The following PIBF1 variants were observed in gnomAD, a reference collection of about 807,000 sequenced individuals.
PIBF1 encodes the protein progesterone-induced-blocking factor 1.
In PIBF1, 90 loss-of-function variants were observed where a neutral mutation model predicts 112.5. That is an observed-to-expected ratio of 0.80 (90% CI 0.67 to 0.95). The LOEUF is 0.95. Ranked by LOEUF, PIBF1 falls within the 40% of genes least tolerant of loss-of-function variation. The probability of loss-of-function intolerance (pLI) is 0.00; values close to 1 mark genes in which losing one functional copy is unlikely to be tolerated. For missense variants in PIBF1, 915 were observed against 852.3 expected, an observed-to-expected ratio of 1.07 and a Z score of -0.92; for synonymous variants, 301 against 288.6, an observed-to-expected ratio of 1.04 and a Z score of -0.44.
At chr13:72,972,030 T>A (rs1251321890) in intron 15 of PIBF1, among the ~76,000 whole-genome samples, 1 of 150,548 alleles carries the variant, frequency 6.6e-6, no homozygotes, top group East Asian at 1.9e-4. Flanking sequence ...ATTTATTTAT[T>A]TATTTATTTA....
intron 16 of PIBF1, among the ~76,000 whole-genome samples, chr13:72,975,759 C>T (rs1199870519): frequency 6.6e-6 from 1 of 152,176 alleles, no homozygotes; most frequent in East Asian, 1.9e-4. Flanking sequence ...TCCATCACCG[C>T]TGCTGTCACT....
At chr13:72,836,970 G>A (rs962052462) in intron 9 of PIBF1, among the ~76,000 whole-genome samples, 17 of 151,866 alleles carry the variant, frequency 1.1e-4, no homozygotes, top group African/African-American at 3.9e-4. Flanking sequence ...GATACTTTGT[G>A]ATTATACTCT....
At chr13:72,866,864 G>A (rs2038951189) in intron 10 of PIBF1, among the ~76,000 whole-genome samples, 1 of 151,946 alleles carries the variant, frequency 6.6e-6, no homozygotes, top group African/African-American at 2.4e-5. Context: ...TATGCATAAT[G>A]TGTATCTTTG....
intron 14 of PIBF1, among the ~76,000 whole-genome samples, chr13:72,937,326 G>A (rs1341937954): frequency 6.6e-6 from 1 of 151,830 alleles, no homozygotes; most frequent in African/African-American, 2.4e-5. Flanking sequence ...TTATTTCAGT[G>A]GTTGATTTAG....
At chr13:72,939,904 T>A (rs1270319165) in intron 14 of PIBF1, among the ~76,000 whole-genome samples, 1 of 152,140 alleles carries the variant, frequency 6.6e-6, no homozygotes, top group African/African-American at 2.4e-5. Flanking sequence ...GCCAAGATAT[T>A]GCCGTCATCC....
chr13:72,956,680 T>G (rs2042454161), intron 14 of PIBF1, among the ~76,000 whole-genome samples: 1 of 152,234 alleles, frequency 6.6e-6, no homozygotes, highest in Admixed American at 6.5e-5. Context: ...GCTGATGTCT[T>G]CATCTTCTAG....
chr13:72,803,236 TTTTTGTTTTTTTG>T (rs1314680711), intron 5 of PIBF1, among the ~76,000 whole-genome samples: 1 of 148,846 alleles, frequency 6.7e-6, no homozygotes, highest in Non-Finnish European at 1.5e-5. Flanking sequence ...GCTTGTTTTT[TTTTTGTTTTTTTG>T]TTTTGTTTTT....
intron 16 of PIBF1, among the ~76,000 whole-genome samples, chr13:72,998,062 GA>G (rs1312289891): frequency 6.6e-6 from 1 of 152,186 alleles, no homozygotes; most frequent in Non-Finnish European, 1.5e-5. Context: ...TACAGCTAAA[GA>G]AATCCTGAAT....
chr13:72,816,062 A>T (rs1180806854), intron 5 of PIBF1, among the ~76,000 whole-genome samples: 1 of 152,200 alleles, frequency 6.6e-6, no homozygotes, highest in Non-Finnish European at 1.5e-5. Flanking sequence ...TGGGTATAAA[A>T]ATTGCCTCCT....
chr13:72,897,726 T>C (rs967326397), intron 11 of PIBF1, among the ~76,000 whole-genome samples: 1 of 152,132 alleles, frequency 6.6e-6, no homozygotes, highest in African/African-American at 2.4e-5. Flanking sequence ...AGAGGGACAT[T>C]ATATAATGGT....
rs2044381982 is a variant in PIBF1, at chr13:73,016,385, T to C, written c.*466T>C. ...AGATTGTTGACTCTTTTGAAGTTGT[T>C]TTTTTCTTATATTTTATATTACCAT... On this transcript the variant is annotated 3_prime_UTR_variant, in exon 18 of 18. Coordinates refer to ENST00000326291, the MANE Select transcript of PIBF1 (RefSeq NM_006346.4). The C allele has an allele frequency of 6.6e-6, 1 of 152,186 alleles. No individual in the cohort carries two copies. Among genetic ancestry groups the C allele is most frequent in the African/African-American group, 2.4e-5 (1 of 41,438 alleles). The allele number at this position is 152,186 out of a possible 1,614,324, so 9.4% of individuals were successfully genotyped here.
At chr13:72,920,590 C>T (rs1055242877) in intron 13 of PIBF1, among the ~76,000 whole-genome samples, 1 of 152,138 alleles carries the variant, frequency 6.6e-6, no homozygotes, top group Admixed American at 6.6e-5. Flanking sequence ...AGCAGTATAA[C>T]CTTTGAGAGA....
chr13:72,835,896 G>A (rs192044453), intron 9 of PIBF1, among the ~76,000 whole-genome samples: 4 of 152,028 alleles, frequency 2.6e-5, no homozygotes, highest in African/African-American at 4.8e-5. Flanking sequence ...TCAGGAGATC[G>A]AGACTATCCT....
intron 11 of PIBF1, among the ~76,000 whole-genome samples, chr13:72,895,869 C>T (rs995445775): frequency 1.7e-4 from 26 of 152,088 alleles, no homozygotes; most frequent in Admixed American, 7.2e-4. Context: ...TGGAAAGCCT[C>T]GGGCAAGTTT....
chr13:72,959,021 CAG>C (rs1448975482), intron 14 of PIBF1, among the ~76,000 whole-genome samples: 4 of 152,094 alleles, frequency 2.6e-5, no homozygotes, highest in African/African-American at 9.7e-5. Flanking sequence ...TTTTTTGAGA[CAG>C]AGTCTTCCTC....
chr13:72,998,508 A>G (rs1052076642), intron 16 of PIBF1, among the ~76,000 whole-genome samples: 1 of 151,946 alleles, frequency 6.6e-6, no homozygotes, highest in Non-Finnish European at 1.5e-5. Flanking sequence ...AGGCCACACC[A>G]CATCAATTAT....
chr13:72,973,614 C>T lies in PIBF1; in HGVS notation c.1988C>T (p.Ala663Val). 1 of 1,567,828 alleles carries T rather than the reference C, an allele frequency of 6.4e-7. No homozygotes were observed. Among genetic ancestry groups the T allele is most frequent in the Admixed American group, 1.9e-5 (1 of 51,760 alleles). The change falls in exon 16 of 18, where the codon GCT becomes GTT. Residue 663 changes from alanine (A) to valine (V), a missense_variant. Transcript: ENST00000326291. ...AGCAACTTAAATAAAGAAAAGTCAG[C>T]TTTACTACAGACGAAGAATCAAATG... is the stretch of plus-strand genomic sequence containing the variant. The part of the protein sequence containing the change: ...DVSNLNKEKS[A>V]LLQTKNQMAL...
Position 72,807,902 on chromosome 13 carries a change from A to AT in PIBF1, c.672+9881dup, listed in dbSNP as rs2035817522. On this transcript the variant is annotated intron_variant, in intron 5 of 17. Transcript: ENST00000326291. ...TTATCAGTAAATTTCTGCCATTAAC[A>AT]TTTTTATTGTATTTGTCTTATCAAA... 5.3e-5 allele frequency among the ~76,000 whole-genome samples: 8 copies of AT among 152,122 alleles called. 1 individual carries two copies. Among genetic ancestry groups the AT allele is most frequent in the Admixed American group, 5.2e-4 (8 of 15,274 alleles).
chr13:72,881,403 A>AAAATT (rs1448593452), intron 10 of PIBF1, among the ~76,000 whole-genome samples: 11 of 152,202 alleles, frequency 7.2e-5, no homozygotes, highest in Admixed American at 2.0e-4. Context: ...AGCTACAAAT[A>AAAATT]AAATTAAATA....
Sources: allele counts gnomAD v4.1 joint callset (sites outside exome capture counted in the v4.1 genomes callset), GRCh38; gene constraint gnomAD v4.1.1; transcripts MANE v1.5; gene names NCBI Gene and HGNC (gene_info 2026-07-23, HGNC 2026-07-21).